SLC25A21: variants seen among roughly 807,000 people sequenced by gnomAD.
SLC25A21 encodes solute carrier family 25 member 21.
SLC25A21 carries 47 observed loss-of-function variants against 43.8 expected under a neutral mutation model. That is an observed-to-expected ratio of 1.07 (90% CI 0.85 to 1.37). The LOEUF (loss-of-function observed/expected upper bound fraction) is 1.37. SLC25A21 is among the 40% of genes most tolerant of loss of function. SLC25A21 has a pLI of 0.00. For missense variants in SLC25A21, 352 were observed against 350.2 expected (o/e 1.00, Z -0.04); for synonymous variants, 131 against 121.3 (o/e 1.08, Z -0.52).
At chr14:37,095,238 C>A (rs1260302754) in intron 1 of SLC25A21, among the ~76,000 whole-genome samples, 1 of 152,198 alleles carries the variant, frequency 6.6e-6, no homozygotes, top group Non-Finnish European at 1.5e-5. Context: ...CACTATTCGG[C>A]CAGGCGTGGT....
intron 3 of SLC25A21, among the ~76,000 whole-genome samples, chr14:36,745,179 T>A (rs1395942465): frequency 6.6e-6 from 1 of 152,110 alleles, no homozygotes; most frequent in African/African-American, 2.4e-5. Context: ...GAACTCATCC[T>A]TTTTTATGGC....
At chr14:37,063,692 C>G (rs1594775983) in intron 1 of SLC25A21, among the ~76,000 whole-genome samples, 2 of 152,016 alleles carry the variant, frequency 1.3e-5, no homozygotes, top group Admixed American at 1.3e-4. Flanking sequence ...TTACAAGAAG[C>G]CAAATTCTGA....
intron 1 of SLC25A21, among the ~76,000 whole-genome samples, chr14:37,113,814 A>G (rs1357058881): frequency 7.1e-6 from 1 of 140,866 alleles, no homozygotes; most frequent in African/African-American, 2.6e-5. Flanking sequence ...AGATCGCAAC[A>G]CTGTACTCCA....
chr14:36,816,523 G>T (rs2138451682), intron 2 of SLC25A21, among the ~76,000 whole-genome samples: 2 of 146,712 alleles, frequency 1.4e-5, no homozygotes, highest in Admixed American at 6.8e-5. Context: ...TTTGAGACAG[G>T]GTCTTGCTCT....
chr14:36,866,278 CTT>C (rs967882646), intron 2 of SLC25A21, among the ~76,000 whole-genome samples: 4 of 152,130 alleles, frequency 2.6e-5, no homozygotes, highest in African/African-American at 9.7e-5. Context: ...CTTTGGGGCA[CTT>C]TTAAAAAGAT....
intron 1 of SLC25A21, among the ~76,000 whole-genome samples, chr14:37,054,517 A>C (rs1409006121): frequency 3.3e-5 from 5 of 152,206 alleles, no homozygotes; most frequent in African/African-American, 1.2e-4. Flanking sequence ...GAAACCTAAA[A>C]CATGTGGCAT....
At chr14:36,896,323 T>G (rs1891237490) in intron 1 of SLC25A21, among the ~76,000 whole-genome samples, 2 of 152,222 alleles carry the variant, frequency 1.3e-5, no homozygotes, top group Admixed American at 1.3e-4. Context: ...TTGATCTTTG[T>G]TGGTTTAAAG....
At chr14:36,797,292 T>C (rs1887708325) in intron 3 of SLC25A21, among the ~76,000 whole-genome samples, 1 of 152,140 alleles carries the variant, frequency 6.6e-6, no homozygotes, top group Non-Finnish European at 1.5e-5. Flanking sequence ...TTTAAGACCT[T>C]TCAAACATGA....
intron 3 of SLC25A21, among the ~76,000 whole-genome samples, chr14:36,769,968 C>T (rs191652788): frequency 1.3e-5 from 2 of 152,292 alleles, no homozygotes; most frequent in Non-Finnish European, 2.9e-5. Flanking sequence ...AAGTCAGAGA[C>T]TTTGGTATCT....
chr14:37,058,230 A>G (rs1425750992), intron 1 of SLC25A21, among the ~76,000 whole-genome samples: 1 of 152,250 alleles, frequency 6.6e-6, no homozygotes, highest in Non-Finnish European at 1.5e-5. Flanking sequence ...ATTAAATGCC[A>G]GGAATTTAGT....
chr14:36,807,071 T>G (rs1366105489), intron 3 of SLC25A21: 1 of 152,206 alleles, frequency 6.6e-6, no homozygotes, highest in African/African-American at 2.4e-5. Flanking sequence ...CAGTGCACAT[T>G]TGGTGCCTAC....
chr14:37,028,249 GA>G, intron 1 of SLC25A21, among the ~76,000 whole-genome samples: 1 of 151,450 alleles, frequency 6.6e-6, no homozygotes, highest in South Asian at 2.1e-4. Context: ...TAGTGGTTGA[GA>G]AGAAAAAAAA....
At chr14:37,076,501 G>C (rs537016062) in intron 1 of SLC25A21, among the ~76,000 whole-genome samples, 59 of 146,364 alleles carry the variant, frequency 4.0e-4, no homozygotes, top group Non-Finnish European at 8.4e-4. Context: ...TTTTGTTTTT[G>C]TTTTTGAGGC....
At chr14:37,147,535 C>G (rs1963686088) in intron 1 of SLC25A21, among the ~76,000 whole-genome samples, 1 of 152,074 alleles carries the variant, frequency 6.6e-6, no homozygotes, top group Non-Finnish European at 1.5e-5. Flanking sequence ...TCCAGGGAAG[C>G]TAGCCTCAGA....
At chr14:37,162,416 T>C (rs1199325272) in intron 1 of SLC25A21, among the ~76,000 whole-genome samples, 1 of 152,108 alleles carries the variant, frequency 6.6e-6, no homozygotes. Context: ...ATATCCAGAA[T>C]CTACAATGAA....
At chr14:36,834,730 G>A (rs74047018) in intron 2 of SLC25A21, among the ~76,000 whole-genome samples, 1,669 of 152,204 alleles carry the variant, frequency 0.011, 21 homozygotes, top group African/African-American at 0.038. Context: ...GACTCTACAA[G>A]GAGCCATTCA....
At chr14:37,004,148 C>T (rs925538208) in intron 1 of SLC25A21, among the ~76,000 whole-genome samples, 4 of 151,950 alleles carry the variant, frequency 2.6e-5, no homozygotes, top group Non-Finnish European at 4.4e-5. Flanking sequence ...TTCTCTGTGG[C>T]GTTAAGACAA....
chr14:36,902,113 T>G (rs1891413065), intron 1 of SLC25A21, among the ~76,000 whole-genome samples: 1 of 152,230 alleles, frequency 6.6e-6, no homozygotes. Context: ...CCATTTAAAT[T>G]TGGCAGATAT....
At chr14:36,867,511 T>C (rs2022602) in intron 2 of SLC25A21, among the ~76,000 whole-genome samples, 55,949 of 151,860 alleles carry the variant, frequency 0.37, 10,556 homozygotes, top group East Asian at 0.43. Context: ...CAAAACGACG[T>C]GTGGCACGAG....
Sources: allele counts gnomAD v4.1 joint callset (sites outside exome capture counted in the v4.1 genomes callset), GRCh38; gene constraint gnomAD v4.1.1; transcripts MANE v1.5; gene names NCBI Gene and HGNC (gene_info 2026-07-23, HGNC 2026-07-21).